The following CRB1 variants were observed in gnomAD, a reference collection of about 807,000 sequenced individuals.
CRB1 encodes the protein crumbs cell polarity complex component 1, also known as protein crumbs homolog 1.
CRB1 carries 83 observed loss-of-function variants against 120.0 expected under a neutral mutation model. The ratio of observed to expected loss-of-function variants is 0.69; its 90% confidence interval spans 0.58 to 0.83. The LOEUF (loss-of-function observed/expected upper bound fraction) is 0.83. Ranked by LOEUF, CRB1 falls within the 40% of genes least tolerant of loss-of-function variation. CRB1 has a pLI of 0.00. For missense variants in CRB1, 1,699 were observed against 1,687.6 expected (o/e 1.01, Z -0.12); for synonymous variants, 625 against 612.5 (o/e 1.02, Z -0.30).
At chr1:197,277,691 CATTA>C (rs1206635577) in intron 1 of CRB1, among the ~76,000 whole-genome samples, 6 of 151,872 alleles carry the variant, frequency 4.0e-5, no homozygotes, top group African/African-American at 1.5e-4. Context: ...TTATATTCAG[CATTA>C]ATTTTTATAT....
intron 1 of CRB1, among the ~76,000 whole-genome samples, chr1:197,282,931 T>C (rs1402161404): frequency 6.6e-6 from 1 of 151,818 alleles, no homozygotes; most frequent in Non-Finnish European, 1.5e-5. Context: ...TTCTTTCTGG[T>C]TGTCTTGATT....
chr1:197,202,713 A>G, the CRB1 span, among the ~76,000 whole-genome samples: 48 of 152,330 alleles, frequency 3.2e-4, no homozygotes, highest in African/African-American at 9.4e-4. Flanking sequence ...CAATAAAGAG[A>G]ACCAATAGAC....
At chr1:197,297,166 A>G (rs1656575580) in intron 1 of CRB1, among the ~76,000 whole-genome samples, 1 of 151,754 alleles carries the variant, frequency 6.6e-6, no homozygotes. Context: ...CTGAAACGCC[A>G]TCAACTGCTT....
At chr1:197,351,351 G>C (rs1377108086) in intron 4 of CRB1, among the ~76,000 whole-genome samples, 6 of 121,500 alleles carry the variant, frequency 4.9e-5, no homozygotes, top group Non-Finnish European at 6.6e-5. Flanking sequence ...CAGGGCGAGA[G>C]GGTGAGACTT....
chr1:197,296,333 T>TACACTATTTTA (rs1656517095), intron 1 of CRB1, among the ~76,000 whole-genome samples: 1 of 152,060 alleles, frequency 6.6e-6, no homozygotes. Flanking sequence ...TAATGGTACT[T>TACACTATTTTA]ACACTATTTT....
the CRB1 span, among the ~76,000 whole-genome samples, chr1:197,231,605 A>C: frequency 6.6e-6 from 1 of 152,240 alleles, no homozygotes; most frequent in Non-Finnish European, 1.5e-5. Context: ...AGCCACAATA[A>C]GCGATGTAGA....
intron 1 of CRB1, among the ~76,000 whole-genome samples, chr1:197,288,201 G>A (rs1177594405): frequency 6.6e-6 from 1 of 151,794 alleles, no homozygotes; most frequent in Admixed American, 6.6e-5. Context: ...TGTAAGGAAA[G>A]TTCCCAAGAC....
At chr1:197,428,876 A>T in intron 7 of CRB1, 1 of 1,268,818 alleles carries the variant, frequency 7.9e-7, no homozygotes. Context: ...AACACAGTTC[A>T]TGCTCTAATA....
At chr1:197,264,216 A>C (rs1215782845), upstream of CRB1, among the ~76,000 whole-genome samples, 2 of 152,230 alleles carry the variant, frequency 1.3e-5, no homozygotes, top group Non-Finnish European at 2.9e-5. Context: ...TATAAGTGAG[A>C]ACATGCGGTA....
At chr1:197,282,601 C>A (rs1347269130) in intron 1 of CRB1, among the ~76,000 whole-genome samples, 2 of 151,862 alleles carry the variant, frequency 1.3e-5, no homozygotes, top group African/African-American at 4.8e-5. Context: ...TAAACACAGT[C>A]CAGTAATCAA....
intron 4 of CRB1, among the ~76,000 whole-genome samples, chr1:197,353,924 C>T (rs1018201067): frequency 6.3e-5 from 9 of 143,014 alleles, no homozygotes; most frequent in African/African-American, 2.3e-4. Flanking sequence ...ACTAAATTTA[C>T]ATTTTGGGGC....
At chr1:197,374,294 G>A (rs1661529634) in intron 5 of CRB1, among the ~76,000 whole-genome samples, 1 of 152,156 alleles carries the variant, frequency 6.6e-6, no homozygotes, top group Admixed American at 6.5e-5. Flanking sequence ...AAGGAATGGA[G>A]GATGATGGGG....
At chr1:197,238,047 C>T in the CRB1 span, among the ~76,000 whole-genome samples, 1,077 of 152,200 alleles carry the variant, frequency 7.1e-3, 16 homozygotes, top group African/African-American at 0.022. Context: ...GTTGTATTTT[C>T]ACTTTTCACT....
chr1:197,327,114 A>C (rs1165112155), intron 1 of CRB1, among the ~76,000 whole-genome samples: 30 of 133,896 alleles, frequency 2.2e-4, no homozygotes, highest in Non-Finnish European at 3.2e-4. Flanking sequence ...AAAAAAAAAA[A>C]AAAAAAAAAA....
chr1:197,367,013 A>C lies in CRB1; in HGVS notation c.1171+10000A>C, dbSNP rs577618342. ...ATTAAAATGAGAATGGGACATTGCCACTTGATTTAAATGTCTGTGCATTTA... is the reference window on the plus strand; with the variant it reads ...ATTAAAATGAGAATGGGACATTGCCCCTTGATTTAAATGTCTGTGCATTTA... On this transcript the variant is annotated intron_variant, in intron 5 of 11. Transcript: ENST00000367400. Among the ~76,000 whole-genome samples the C allele has an allele frequency of 7.7e-4, 118 of 152,334 alleles. 1 individual carries two copies. Among genetic ancestry groups the C allele is most frequent in the African/African-American group, 2.4e-3 (101 of 41,586 alleles).
chr1:197,326,361 G>GT (rs1477420148), intron 1 of CRB1, among the ~76,000 whole-genome samples: 6 of 152,184 alleles, frequency 3.9e-5, no homozygotes, highest in African/African-American at 1.2e-4. Context: ...GCTCAAGCCT[G>GT]TAATCCTAGC....
In CRB1 at chr1:197,434,939, T is replaced by C; in HGVS notation, c.3076T>C (p.Leu1026=). Residue 1026 remains leucine, a synonymous_variant, in exon 9 of 12, where the codon TTG becomes CTG. Coordinates refer to ENST00000367400, the MANE Select transcript of CRB1 (RefSeq NM_201253.3). ...CTTTTATATGCTAAGTCTGACAAGT[T>C]TGCAGTCAGTGAATGATGGCACATG... The part of the protein sequence containing the change: ...NSFYMLSLTS[L]QSVNDGTWHE... 3 of 1,613,930 alleles carry C rather than the reference T, an allele frequency of 1.9e-6. No homozygotes were observed. Among genetic ancestry groups the C allele is most frequent in the Non-Finnish European group, 2.5e-6 (3 of 1,179,886 alleles).
the CRB1 span, among the ~76,000 whole-genome samples, chr1:197,256,804 T>TAA: frequency 7.0e-6 from 1 of 142,090 alleles, no homozygotes; most frequent in African/African-American, 2.6e-5. Flanking sequence ...TAAAGTATAA[T>TAA]AAAAAAAAAG....
the CRB1 span, among the ~76,000 whole-genome samples, chr1:197,219,981 C>G: frequency 6.6e-6 from 1 of 152,176 alleles, no homozygotes; most frequent in Non-Finnish European, 1.5e-5. Flanking sequence ...AGGATAATGA[C>G]CCAGTCACAT....
Sources: allele counts gnomAD v4.1 joint callset (sites outside exome capture counted in the v4.1 genomes callset), GRCh38; gene constraint gnomAD v4.1.1; transcripts MANE v1.5; gene names NCBI Gene and HGNC (gene_info 2026-07-23, HGNC 2026-07-21).